Variants in ARHGAP15 observed in about 807,000 individuals in gnomAD.
ARHGAP15 encodes the protein Rho GTPase activating protein 15.
In ARHGAP15, 51 loss-of-function variants were observed where a neutral mutation model predicts 63.7. That is an observed-to-expected ratio of 0.80 (90% CI 0.64 to 1.01). The LOEUF is 1.01. Ranked by LOEUF, ARHGAP15 falls within the 50% of genes least tolerant of loss-of-function variation. The probability of loss-of-function intolerance (pLI) is 0.00; values close to 1 mark genes in which losing one functional copy is unlikely to be tolerated. For missense variants in ARHGAP15, 560 were observed against 564.6 expected, an observed-to-expected ratio of 0.99 and a Z score of 0.08; for synonymous variants, 191 against 193.8, an observed-to-expected ratio of 0.99 and a Z score of 0.12.
chr2:143,730,889 CT>C (rs1239816755), intron 13 of ARHGAP15, among the ~76,000 whole-genome samples: 1 of 94,564 alleles, frequency 1.1e-5, no homozygotes, highest in Non-Finnish European at 2.0e-5. Context: ...TAGAGCACTC[CT>C]TTAAAAAAAA....
At chr2:143,165,746 T>G (rs1017140835) in intron 2 of ARHGAP15, among the ~76,000 whole-genome samples, 1 of 152,054 alleles carries the variant, frequency 6.6e-6, no homozygotes, top group African/African-American at 2.4e-5. Context: ...TGATACTTGA[T>G]AATACATCAC....
chr2:143,293,476 T>G (rs560963663), intron 6 of ARHGAP15, among the ~76,000 whole-genome samples: 7 of 152,226 alleles, frequency 4.6e-5, no homozygotes, highest in Non-Finnish European at 7.4e-5. Context: ...CCATTTATAT[T>G]CTTGTCTTGA....
chr2:143,340,182 T>C (rs1015707818), intron 6 of ARHGAP15, among the ~76,000 whole-genome samples: 2 of 152,184 alleles, frequency 1.3e-5, no homozygotes, highest in Admixed American at 1.3e-4. Context: ...CTAGGCTTTC[T>C]ATACTTTTAT....
chr2:143,390,386 C>T (rs1221141700), intron 6 of ARHGAP15, among the ~76,000 whole-genome samples: 2 of 152,146 alleles, frequency 1.3e-5, no homozygotes, highest in African/African-American at 2.4e-5. Flanking sequence ...TCAGCTAAAG[C>T]TCATCTGTCC....
intron 13 of ARHGAP15, among the ~76,000 whole-genome samples, chr2:143,738,194 T>C (rs944640228): frequency 1.3e-5 from 2 of 152,188 alleles, no homozygotes; most frequent in Admixed American, 6.5e-5. Flanking sequence ...GAAGTTCTTA[T>C]TTATAAGGTA....
chr2:143,402,865 A>C (rs553517425), intron 6 of ARHGAP15, among the ~76,000 whole-genome samples: 1 of 151,656 alleles, frequency 6.6e-6, no homozygotes, highest in Non-Finnish European at 1.5e-5. Context: ...TTCGATGAAA[A>C]TTTTTTTTCA....
intron 6 of ARHGAP15, among the ~76,000 whole-genome samples, chr2:143,417,121 G>C (rs1688725703): frequency 6.6e-6 from 1 of 151,904 alleles, no homozygotes; most frequent in African/African-American, 2.4e-5. Context: ...TGTAGTGCCT[G>C]AGTAAGCAGA....
At chr2:143,268,051 A>G (rs2105039917) in intron 6 of ARHGAP15, among the ~76,000 whole-genome samples, 1 of 152,214 alleles carries the variant, frequency 6.6e-6, no homozygotes, top group Non-Finnish European at 1.5e-5. Context: ...AATGCTCTAG[A>G]TTTGTTACAA....
chr2:143,660,046 T>C (rs934684727), intron 12 of ARHGAP15, among the ~76,000 whole-genome samples: 1 of 152,168 alleles, frequency 6.6e-6, no homozygotes, highest in African/African-American at 2.4e-5. Context: ...TGTTCCAAAA[T>C]ACAACAGATG....
At chr2:143,584,066 C>G (rs1263595646) in intron 11 of ARHGAP15, among the ~76,000 whole-genome samples, 1 of 152,088 alleles carries the variant, frequency 6.6e-6, no homozygotes, top group African/African-American at 2.4e-5. Context: ...CAAGAGTAAC[C>G]ATTCATGTTT....
intron 1 of ARHGAP15, among the ~76,000 whole-genome samples, chr2:143,153,334 T>C (rs533322747): frequency 6.6e-6 from 1 of 152,072 alleles, no homozygotes; most frequent in East Asian, 1.9e-4. Flanking sequence ...AATATTTTTC[T>C]AGAAAAATAT....
intron 2 of ARHGAP15, among the ~76,000 whole-genome samples, chr2:143,174,149 G>T (rs1690916116): frequency 6.6e-6 from 1 of 151,986 alleles, no homozygotes; most frequent in Non-Finnish European, 1.5e-5. Flanking sequence ...TTTGTACCTG[G>T]TGGATTATAT....
intron 6 of ARHGAP15, among the ~76,000 whole-genome samples, chr2:143,391,200 A>G (rs1574380403): frequency 6.6e-6 from 1 of 152,346 alleles, no homozygotes; most frequent in East Asian, 1.9e-4. Flanking sequence ...AAAGCTGCTT[A>G]GGCAGTATGT....
At chr2:143,432,650 C>T (rs1385868958) in intron 6 of ARHGAP15, among the ~76,000 whole-genome samples, 1 of 151,996 alleles carries the variant, frequency 6.6e-6, no homozygotes, top group African/African-American at 2.4e-5. Flanking sequence ...TCTATAATTT[C>T]CTGGGCATAA....
At chr2:143,560,203 C>A (rs557677581) in intron 11 of ARHGAP15, among the ~76,000 whole-genome samples, 1 of 152,144 alleles carries the variant, frequency 6.6e-6, no homozygotes, top group Non-Finnish European at 1.5e-5. Flanking sequence ...AGATGACATG[C>A]AAGTTATATT....
chr2:143,525,019 A>G (rs972704700), intron 10 of ARHGAP15, among the ~76,000 whole-genome samples: 2 of 152,126 alleles, frequency 1.3e-5, no homozygotes, highest in African/African-American at 4.8e-5. Flanking sequence ...CAAAAATCAG[A>G]CTTTACATAG....
chr2:143,175,122 G>C (rs73962363), intron 2 of ARHGAP15, among the ~76,000 whole-genome samples: 2,823 of 152,068 alleles, frequency 0.019, 110 homozygotes, highest in African/African-American at 0.065. Flanking sequence ...AACCACAGAG[G>C]GTTAAAAAAT....
intron 2 of ARHGAP15, among the ~76,000 whole-genome samples, chr2:143,161,089 A>G (rs1308879681): frequency 1.3e-5 from 2 of 152,022 alleles, no homozygotes; most frequent in Non-Finnish European, 2.9e-5. Flanking sequence ...TTATTTCCAT[A>G]ATAACAACCC....
At chr2:143,166,068 A>T (rs2580864) in intron 2 of ARHGAP15, among the ~76,000 whole-genome samples, 135 of 151,260 alleles carry the variant, frequency 8.9e-4, no homozygotes, top group Non-Finnish European at 1.1e-3. Context: ...AAAGAAAAAA[A>T]ATATCTTCTT....
Sources: gnomAD v4.1 joint callset for allele counts (sites outside exome capture counted in the v4.1 genomes callset) on GRCh38, gnomAD v4.1.1 for gene constraint, MANE v1.5 for transcripts, NCBI Gene and HGNC (gene_info 2026-07-23, HGNC 2026-07-21) for gene names.